Variants in EML1 observed in about 807,000 individuals in gnomAD.
The protein encoded by EML1 is echinoderm microtubule-associated protein-like 1.
A neutral mutation model predicts 110.4 loss-of-function variants in EML1; 27 were observed. That is an observed-to-expected ratio of 0.24 (90% confidence interval 0.18 to 0.34). EML1 has a LOEUF of 0.34. Among genes scored for constraint, EML1 ranks in the 10% least tolerant of loss-of-function variants. The pLI, the probability that EML1 is intolerant of heterozygous loss-of-function variation, is 1.00. For missense variants in EML1, 741 were observed against 1,030.9 expected (o/e 0.72, Z 3.85); for synonymous variants, 344 against 385.8 (o/e 0.89, Z 1.27).
rs532806476 is a variant in EML1 at position 99,834,942 on chromosome 14, C to T, written c.68-15911C>T. Among the ~76,000 whole-genome samples the T allele has an allele frequency of 5.9e-5, 9 of 152,258 alleles. No homozygotes were observed. The South Asian group carries it at 1.9e-3, about 32-fold the overall frequency. On this transcript the variant is annotated intron_variant, in intron 1 of 21. Coordinates refer to ENST00000262233, the MANE Select transcript of EML1 (RefSeq NM_004434.3). The stretch of plus-strand genomic sequence containing the variant: ...TCAAGCAATCCTCCCACCTCAGCCT[C>T]CCTAGTAGCTGGGACTAGAGGTGTG...
upstream of EML1, among the ~76,000 whole-genome samples, chr14:99,768,770 G>A (rs990491909): frequency 4.6e-5 from 7 of 151,268 alleles, no homozygotes; most frequent in Non-Finnish European, 1.0e-4. Context: ...CAGGCTGGAG[G>A]GCAGTGGCAC....
At chr14:99,869,682 C>T (rs1270331413) in intron 3 of EML1, among the ~76,000 whole-genome samples, 2 of 152,166 alleles carry the variant, frequency 1.3e-5, no homozygotes, top group Non-Finnish European at 2.9e-5. Context: ...GTGTGATCCC[C>T]ACTGTTGGAG....
At chr14:99,925,601 C>CA (rs758178462) in intron 17 of EML1, among the ~76,000 whole-genome samples, 2 of 152,216 alleles carry the variant, frequency 1.3e-5, no homozygotes, top group Non-Finnish European at 2.9e-5. Context: ...AGGTTATGCA[C>CA]AAATAACTTA....
chr14:99,755,104 C>T (rs1481373456), intron 1 of EML1, among the ~76,000 whole-genome samples: 1 of 152,264 alleles, frequency 6.6e-6, no homozygotes, highest in Non-Finnish European at 1.5e-5. Context: ...AAAAGTCAGG[C>T]GTTGGTGCCT....
intron 17 of EML1, among the ~76,000 whole-genome samples, chr14:99,931,562 C>T (rs567614911): frequency 2.0e-5 from 3 of 152,250 alleles, no homozygotes; most frequent in East Asian, 1.9e-4. Context: ...TCATTTTGGG[C>T]CAAATCCTAG....
chr14:99,879,217 T>C (rs1023825603), intron 4 of EML1, among the ~76,000 whole-genome samples: 2 of 152,176 alleles, frequency 1.3e-5, no homozygotes, highest in African/African-American at 4.8e-5. Flanking sequence ...TAGTAACATT[T>C]TGTTCCTGAA....
At chr14:99,911,742 CTAA>C (rs1384320788) in intron 13 of EML1, among the ~76,000 whole-genome samples, 166 bp downstream of exon 13, 2 of 151,962 alleles carry the variant, frequency 1.3e-5, no homozygotes, top group Non-Finnish European at 2.9e-5. Flanking sequence ...TTAAATATAA[CTAA>C]TAAAATAGAA....
chr14:99,887,310 C>A (rs1022644958), intron 4 of EML1, among the ~76,000 whole-genome samples: 33 of 152,198 alleles, frequency 2.2e-4, no homozygotes, highest in African/African-American at 7.7e-4. Flanking sequence ...TGCTGGAGTT[C>A]GTCTTGGAGA....
rs1476862505 is a variant in EML1 at position 99,739,110 on chromosome 14, G to C, written c.28+1250G>C. On this transcript the variant is annotated intron_variant, in intron 1 of 10. Transcript: ENST00000554479. ...TGTGTGTGAGAGAGAGAGACAGAGAGAGAGAGAGAGTGTGTGTGTGTGTGT... is the reference window on the plus strand; with the variant it reads ...TGTGTGTGAGAGAGAGAGACAGAGACAGAGAGAGAGTGTGTGTGTGTGTGT... 6.9e-3 allele frequency among the ~76,000 whole-genome samples: 643 copies of C among 93,828 alleles called. 2 individuals carry two copies. Among genetic ancestry groups the C allele is most frequent in the African/African-American group, 0.023 (611 of 26,986 alleles). The allele number at this position is 93,828 out of a possible 152,430, so 61.6% of individuals were successfully genotyped here.
chr14:99,888,216 T>G (rs2059516141), intron 4 of EML1, among the ~76,000 whole-genome samples: 1 of 152,220 alleles, frequency 6.6e-6, no homozygotes, highest in Admixed American at 6.5e-5. Flanking sequence ...ACCTAATCTG[T>G]TAATAGAAAT....
intron 17 of EML1, 96 bp downstream of exon 17, chr14:99,920,973 GTA>G: frequency 8.8e-7 from 1 of 1,133,632 alleles, no homozygotes; most frequent in East Asian, 2.4e-5. Flanking sequence ...TGTTACATAG[GTA>G]AACGTGTGCC....
chr14:99,806,123 T>C (rs1410756882), intron 1 of EML1, among the ~76,000 whole-genome samples: 1 of 152,130 alleles, frequency 6.6e-6, no homozygotes, highest in African/African-American at 2.4e-5. Flanking sequence ...AACAATAGTT[T>C]CATGAAGTTA....
At chr14:99,797,008 G>C (rs115421718) in intron 1 of EML1, among the ~76,000 whole-genome samples, 1 of 151,984 alleles carries the variant, frequency 6.6e-6, no homozygotes, top group Non-Finnish European at 1.5e-5. Flanking sequence ...CATTAAGTGC[G>C]TGTAGTATAT....
At chr14:99,802,037 A>AT (rs1474711776) in intron 1 of EML1, among the ~76,000 whole-genome samples, 1 of 152,140 alleles carries the variant, frequency 6.6e-6, no homozygotes. Flanking sequence ...ATGGTAGGGT[A>AT]TTGCAGCACT....
In EML1 at chr14:99,910,290, G is replaced by A. The variant is rs763202236; in HGVS notation, c.1288G>A (p.Gly430Ser). Residue 430 changes from glycine (G) to serine (S), a missense_variant, in exon 12 of 22, where the codon GGT becomes AGT. Gly to Ser is a moderately conservative substitution (Grantham distance 56). This residue lies in a region of EML1 where 388 missense variants were observed against 605.6 expected (regional missense o/e 0.64). Coordinates refer to ENST00000262233, the MANE Select transcript of EML1 (RefSeq NM_004434.3). ...CCTCTGTGTGACTTTCTCTGAAAAC[G>A]GTGACACCATTACTGGAGATTCAAG... ...FVLCVTFSEN[G>S]DTITGDSSGN... 9.9e-6 allele frequency: 16 copies of A among 1,613,276 alleles called. No homozygotes were observed. Among genetic ancestry groups the A allele is most frequent in the South Asian group, 7.7e-5 (7 of 90,926 alleles).
intron 9 of EML1, among the ~76,000 whole-genome samples, chr14:99,903,031 T>A (rs1167587700): frequency 6.6e-6 from 1 of 152,214 alleles, no homozygotes; most frequent in African/African-American, 2.4e-5. Context: ...CAATTAACTA[T>A]ATTGCCATAA....
chr14:99,770,142 G>A (rs1376982168), upstream of EML1, among the ~76,000 whole-genome samples: 1 of 152,150 alleles, frequency 6.6e-6, no homozygotes, highest in Non-Finnish European at 1.5e-5. Context: ...TCAGAGCTGT[G>A]TTTGTCAGTT....
Position 99,844,931 on chromosome 14 carries a change from C to A in EML1, c.68-5922C>A, listed in dbSNP as rs147293868. On this transcript the variant is annotated intron_variant, in intron 1 of 21. Transcript: ENST00000262233. ...GTTTATCCATTCACCAGTTGAAGGG[C>A]CTTTGAGTTGTTTCCAGTTTCTATC... is the stretch of plus-strand genomic sequence containing the variant. Among the ~76,000 whole-genome samples the A allele has an allele frequency of 2.0e-5, 3 of 152,284 alleles. No individual in the cohort carries two copies. In the East Asian group the frequency reaches 5.8e-4, roughly 29 times the overall value.
chr14:99,774,424 A>T (rs1268637413), intron 1 of EML1, among the ~76,000 whole-genome samples: 1 of 152,132 alleles, frequency 6.6e-6, no homozygotes, highest in Non-Finnish European at 1.5e-5. Context: ...TGCTTCTGTA[A>T]TGCCCAGTAT....
Sources: allele counts gnomAD v4.1 joint callset (sites outside exome capture counted in the v4.1 genomes callset), GRCh38; gene constraint gnomAD v4.1.1; regional missense constraint gnomAD v4.1.1; transcripts MANE v1.5; gene names NCBI Gene and HGNC (gene_info 2026-07-23, HGNC 2026-07-21).